CEP112: variants seen among roughly 807,000 people sequenced by gnomAD.
CEP112 encodes centrosomal protein of 112 kDa.
In CEP112, 127 loss-of-function variants were observed where a neutral mutation model predicts 153.0. The observed-to-expected ratio is 0.83, with a 90% confidence interval of 0.72 to 0.96. The LOEUF (loss-of-function observed/expected upper bound fraction) is 0.96. Ranked by LOEUF, CEP112 falls within the 40% of genes least tolerant of loss-of-function variation. CEP112 has a pLI of 0.00. For synonymous variants in CEP112, 358 were observed against 374.4 expected, an observed-to-expected ratio of 0.96 and a Z score of 0.51; for missense variants, 1,089 against 1,101.2, an observed-to-expected ratio of 0.99 and a Z score of 0.16.
chr17:65,932,727 C>T (rs2061168630), intron 18 of CEP112, among the ~76,000 whole-genome samples: 3 of 152,024 alleles, frequency 2.0e-5, no homozygotes, highest in Admixed American at 6.6e-5. Flanking sequence ...GTTTAACAAC[C>T]GGATCTCATG....
chr17:65,649,532 C>CA (rs1301207545), intron 24 of CEP112, among the ~76,000 whole-genome samples: 1 of 151,718 alleles, frequency 6.6e-6, no homozygotes, highest in East Asian at 1.9e-4. Flanking sequence ...GCCTGGGCAA[C>CA]ATAATGAGAC....
intron 19 of CEP112, among the ~76,000 whole-genome samples, chr17:65,918,102 C>T (rs1356161215): frequency 1.3e-5 from 2 of 150,220 alleles, no homozygotes; most frequent in Non-Finnish European, 2.9e-5. Context: ...ATTGCTTGAA[C>T]CTGGGAGGTG....
intron 16 of CEP112, among the ~76,000 whole-genome samples, chr17:66,017,499 A>G (rs574899378): frequency 7.2e-4 from 110 of 152,300 alleles, no homozygotes; most frequent in African/African-American, 2.6e-3. Flanking sequence ...CCATACTCCA[A>G]TAGTCAATAA....
intron 22 of CEP112, among the ~76,000 whole-genome samples, chr17:65,747,732 G>A (rs1381467038): frequency 1.3e-5 from 2 of 152,156 alleles, no homozygotes; most frequent in Non-Finnish European, 2.9e-5. Context: ...CAGTGGTGGC[G>A]AGGGTGAGTG....
intron 23 of CEP112, among the ~76,000 whole-genome samples, chr17:65,728,241 T>C (rs559137470): frequency 7.1e-4 from 108 of 152,330 alleles, no homozygotes; most frequent in African/African-American, 2.5e-3. Flanking sequence ...AAATGCTGCA[T>C]AGAGCTAGAG....
intron 18 of CEP112, among the ~76,000 whole-genome samples, chr17:65,941,189 A>G (rs2061495735): frequency 6.6e-6 from 1 of 152,106 alleles, no homozygotes; most frequent in Admixed American, 6.5e-5. Context: ...TACATATAAA[A>G]TTGGTTTTTG....
intron 17 of CEP112, among the ~76,000 whole-genome samples, chr17:65,970,513 G>A (rs1233326081): frequency 1.3e-5 from 2 of 151,246 alleles, no homozygotes; most frequent in Admixed American, 6.6e-5. Flanking sequence ...TTATATGCAT[G>A]CATATTAAAT....
intron 21 of CEP112, among the ~76,000 whole-genome samples, chr17:65,846,044 T>A (rs1280502784): frequency 2.0e-5 from 3 of 152,218 alleles, no homozygotes; most frequent in Admixed American, 1.3e-4. Context: ...TATTTATTAT[T>A]CTGGTATTAT....
At chr17:65,994,145 A>G (rs1465551515) in intron 17 of CEP112, among the ~76,000 whole-genome samples, 2 of 152,142 alleles carry the variant, frequency 1.3e-5, no homozygotes, top group Non-Finnish European at 2.9e-5. Context: ...TCTAAAACCC[A>G]TAATCTGAGA....
At chr17:65,987,899 G>T (rs2063465182) in intron 17 of CEP112, among the ~76,000 whole-genome samples, 1 of 152,150 alleles carries the variant, frequency 6.6e-6, no homozygotes, top group African/African-American at 2.4e-5. Context: ...CCTGGCAGAG[G>T]ACCTGTCTCT....
intron 20 of CEP112, among the ~76,000 whole-genome samples, chr17:65,871,330 G>A (rs2058663832): frequency 6.6e-6 from 1 of 152,070 alleles, no homozygotes; most frequent in South Asian, 2.1e-4. Flanking sequence ...TGTTCACTCT[G>A]TGCAACTACT....
intron 1 of CEP112, among the ~76,000 whole-genome samples, chr17:66,187,433 C>A (rs2072980112): frequency 6.6e-6 from 1 of 152,196 alleles, no homozygotes; most frequent in South Asian, 2.1e-4. Flanking sequence ...CCACTAATTG[C>A]CAAATCCAAA....
chr17:66,028,399 T>C lies in CEP112; in HGVS notation c.1510A>G (p.Ser504Gly). The C allele has an allele frequency of 1.3e-6, 2 of 1,548,560 alleles. No homozygotes were observed. The highest frequency in any genetic ancestry group is 1.8e-6 in the Non-Finnish European group (2 of 1,134,328). Residue 504 changes from serine to glycine, a missense_variant, in exon 15 of 27, where the codon AGT becomes GGT. Ser to Gly is a moderately conservative substitution (Grantham distance 56). Transcript: ENST00000535342. ...TTCTGCTCTAATTCTTCAATCATAC[T>C]AGATGCCTACAAGGATTTTAAGAAG... Reference protein sequence around the residue: ...EHALSASKASSMIEELEQNVC... With the variant: ...EHALSASKASGMIEELEQNVC...
chr17:66,005,750 T>C lies in CEP112; in HGVS notation c.1676A>G (p.Glu559Gly), dbSNP rs2064247203. Residue 559 changes from glutamate (E) to glycine (G), a missense_variant, in exon 17 of 27, where the codon GAA becomes GGA. By Grantham distance (98) the Glu-to-Gly change is moderately conservative. Transcript: ENST00000535342. ...AGTATCTTCTTTTCCTTTATCAAGT[T>C]CACTCTGCAAGTCATGAGCCTGCCA... ...YEKKAHDLQS[E>G]LDKGKEDTQK... 6.2e-7 allele frequency: 1 copy of C among 1,608,674 alleles called. No individual in the cohort carries two copies. The highest frequency in any genetic ancestry group is 1.3e-5 in the African/African-American group (1 of 74,700).
chr17:66,129,846 G>A, intron 5 of CEP112, 23 bp from the exon 6 acceptor site: 1 of 1,461,246 alleles, frequency 6.8e-7, no homozygotes, highest in South Asian at 1.2e-5. Flanking sequence ...AGGGAAAAAG[G>A]AAGAGGAGAG....
intron 18 of CEP112, among the ~76,000 whole-genome samples, chr17:65,944,576 C>T (rs34375513): frequency 0.5 from 75,602 of 151,904 alleles, 19,651 homozygotes; most frequent in East Asian, 0.89. Flanking sequence ...AATTAAAACT[C>T]TATTTTTTTT....
chr17:66,120,689 A>C (rs1184893977), intron 6 of CEP112, among the ~76,000 whole-genome samples: 2 of 152,076 alleles, frequency 1.3e-5, no homozygotes, highest in Non-Finnish European at 2.9e-5. Flanking sequence ...TTGAGTATCT[A>C]TAGTGTCTGT....
intron 16 of CEP112, among the ~76,000 whole-genome samples, chr17:66,009,587 C>T (rs779133294): frequency 4.6e-5 from 7 of 152,070 alleles, no homozygotes; most frequent in Admixed American, 1.3e-4. Context: ...AGGATTTCTA[C>T]AGTTTTCAGT....
At chr17:66,091,063 A>G (rs2068114209) in intron 8 of CEP112, among the ~76,000 whole-genome samples, 1 of 152,080 alleles carries the variant, frequency 6.6e-6, no homozygotes, top group African/African-American at 2.4e-5. Flanking sequence ...AAAAGGAGAG[A>G]AGGAGTGTAA....
Sources: gnomAD v4.1 joint callset for allele counts (sites outside exome capture counted in the v4.1 genomes callset) on GRCh38, gnomAD v4.1.1 for gene constraint, MANE v1.5 for transcripts, NCBI Gene and HGNC (gene_info 2026-07-23, HGNC 2026-07-21) for gene names.